Variants in LARP1B observed in about 807,000 individuals in gnomAD.
LARP1B encodes the protein La ribonucleoprotein 1B.
LARP1B carries 76 observed loss-of-function variants against 114.2 expected under a neutral mutation model. The observed-to-expected ratio is 0.67, with a 90% confidence interval of 0.55 to 0.81. LARP1B has a LOEUF of 0.81. Among genes scored for constraint, LARP1B ranks in the 30% least tolerant of loss-of-function variants. LARP1B has a pLI of 0.00. For synonymous variants in LARP1B, 345 were observed against 348.0 expected, an observed-to-expected ratio of 0.99 and a Z score of 0.10; for missense variants, 1,014 against 1,075.8, an observed-to-expected ratio of 0.94 and a Z score of 0.80.
Position 128,178,511 on chromosome 4 carries a change from G to A in LARP1B, c.1765G>A (p.Ala589Thr). 1 of 1,613,944 alleles carries A rather than the reference G, an allele frequency of 6.2e-7. No homozygotes were observed. Among genetic ancestry groups the A allele is most frequent in the Non-Finnish European group, 8.5e-7 (1 of 1,179,890 alleles). Residue 589 changes from alanine to threonine, a missense_variant, in exon 14 of 20, where the codon GCA (alanine) becomes ACA (threonine). Physicochemically the swap from Ala to Thr is moderately conservative, Grantham distance 58. Coordinates refer to ENST00000326639, the MANE Select transcript of LARP1B (RefSeq NM_018078.4). ...AGCAATGGTTCATTCGTTGCCTACA[G>A]CAGTTCCAGAATCTCCTAGAATTCA... ...SAAMVHSLPT[A>T]VPESPRIHPT...
chr4:128,110,321 A>G (rs944103461), intron 9 of LARP1B, among the ~76,000 whole-genome samples: 2 of 152,064 alleles, frequency 1.3e-5, no homozygotes, highest in Non-Finnish European at 2.9e-5. Flanking sequence ...ATATCAGGTA[A>G]TCTAAGTCAT....
chr4:128,083,623 T>A (rs1306609674), intron 5 of LARP1B, among the ~76,000 whole-genome samples: 1 of 129,560 alleles, frequency 7.7e-6, no homozygotes, highest in South Asian at 2.7e-4. Context: ...GGCGGGGTGC[T>A]GACCCCCCCA....
intron 11 of LARP1B, among the ~76,000 whole-genome samples, chr4:128,145,348 G>C (rs1401229210): frequency 1.3e-5 from 2 of 152,132 alleles, no homozygotes; most frequent in African/African-American, 2.4e-5. Context: ...ATGCCCAAAG[G>C]GTTAATGAGT....
chr4:128,123,804 C>G (rs751438704), intron 11 of LARP1B: 1 of 493,446 alleles, frequency 2.0e-6, no homozygotes, highest in Non-Finnish European at 2.6e-6. Flanking sequence ...GAGAAACATC[C>G]TATTTGTAGG....
intron 10 of LARP1B, among the ~76,000 whole-genome samples, chr4:128,118,082 ATTTT>A (rs34699544): frequency 2.6e-5 from 2 of 76,736 alleles, no homozygotes; most frequent in Non-Finnish European, 4.6e-5. Flanking sequence ...GGCCCGGCTA[ATTTT>A]TTTTTTTTTT....
chr4:128,068,583 A>T (rs1399228981), intron 1 of LARP1B, among the ~76,000 whole-genome samples: 1 of 148,766 alleles, frequency 6.7e-6, no homozygotes, highest in Non-Finnish European at 1.5e-5. Context: ...AGCTATTTTT[A>T]TTTTTTTTTT....
At chr4:128,214,195 T>G (rs1216668078), downstream of LARP1B, among the ~76,000 whole-genome samples, 3 of 132,034 alleles carry the variant, frequency 2.3e-5, no homozygotes, top group Non-Finnish European at 5.0e-5. Flanking sequence ...CAGTCTGAGA[T>G]CAAACTGCAA....
At chr4:128,062,111 C>T (rs184031772) in intron 1 of LARP1B, 2 of 985,288 alleles carry the variant, frequency 2.0e-6, no homozygotes, top group Non-Finnish European at 2.4e-6. Flanking sequence ...AAAGCGGCAG[C>T]CGCCGCTGCT....
At chr4:128,086,048 C>G (rs1489665437) in intron 5 of LARP1B, among the ~76,000 whole-genome samples, 1 of 127,004 alleles carries the variant, frequency 7.9e-6, no homozygotes, top group Non-Finnish European at 1.6e-5. Context: ...GAGTCTCGCT[C>G]TGTCGCCCAG....
chr4:128,211,268 C>G lies in LARP1B; in HGVS notation c.*1215C>G, dbSNP rs1230981017. 1.1e-6 allele frequency: 1 copy of G among 950,446 alleles called. No homozygotes were observed. Among genetic ancestry groups the G allele is most frequent in the African/African-American group, 1.8e-5 (1 of 56,578 alleles). 58.9% of individuals were successfully genotyped at this position (950,446 alleles called of 1,614,324 possible). ...ATAAACTTACATTCACTTTATTGAGCACTACATAATTTACAGATATTTTGT... is the reference window on the plus strand; with the variant it reads ...ATAAACTTACATTCACTTTATTGAGGACTACATAATTTACAGATATTTTGT... On this transcript the variant is annotated 3_prime_UTR_variant, in exon 20 of 20. Transcript: ENST00000326639.
chr4:128,137,802 A>AG (rs1411180940), intron 11 of LARP1B, among the ~76,000 whole-genome samples: 3 of 140,072 alleles, frequency 2.1e-5, no homozygotes, highest in African/African-American at 8.3e-5. Flanking sequence ...TTTTTTTTTT[A>AG]GGGGGGTTGG....
intron 15 of LARP1B, among the ~76,000 whole-genome samples, chr4:128,197,790 G>T (rs1360586143): frequency 6.6e-6 from 1 of 151,828 alleles, no homozygotes; most frequent in African/African-American, 2.4e-5. Context: ...ATAGTTTGTG[G>T]GTTGTTCTTT....
intron 9 of LARP1B, 168 bp downstream of exon 9, chr4:128,107,481 CAAATT>C: frequency 7.0e-7 from 1 of 1,435,012 alleles, no homozygotes; most frequent in Non-Finnish European, 9.2e-7. Flanking sequence ...CACAGAGTTA[CAAATT>C]AAATAAGGAT....
rs141017872 is a variant in LARP1B at position 128,209,998 on chromosome 4, C to T, written c.2690C>T (p.Pro897Leu). The change falls in exon 20 of 20, where the codon CCA becomes CTA. Residue 897 changes from proline to leucine, a missense_variant. Pro to Leu is a moderately conservative substitution (Grantham distance 98). Coordinates refer to ENST00000326639, the MANE Select transcript of LARP1B (RefSeq NM_018078.4). ...KPTSTSELQVPINSPRRNISP... is the reference protein window; with the variant it reads ...KPTSTSELQVLINSPRRNISP... The stretch of plus-strand genomic sequence containing the variant: ...ACATCTACCAGTGAGCTTCAGGTAC[C>T]AATAAACTCTCCCAGAAGGAATATT... The T allele has an allele frequency of 3.9e-4, 632 of 1,614,048 alleles. 10 individuals are homozygous for T. The South Asian group carries it at 5.7e-3, about 14-fold the overall frequency.
intron 9 of LARP1B, among the ~76,000 whole-genome samples, chr4:128,109,101 A>G (rs1015864698): frequency 8.5e-5 from 13 of 152,208 alleles, no homozygotes; most frequent in Non-Finnish European, 1.2e-4. Context: ...GGTCATAGGA[A>G]TAAATATGTA....
chr4:128,191,440 C>A (rs1752237669), intron 15 of LARP1B, among the ~76,000 whole-genome samples: 1 of 152,116 alleles, frequency 6.6e-6, no homozygotes, highest in Non-Finnish European at 1.5e-5. Context: ...GTGTGAGTTC[C>A]CTTAATACTA....
intron 14 of LARP1B, 62 bp from the exon 15 acceptor site, chr4:128,179,344 A>T: frequency 1.0e-6 from 1 of 1,003,590 alleles, no homozygotes; most frequent in Non-Finnish European, 1.5e-6. Flanking sequence ...AGAGGGTTTT[A>T]ATTTACTTGT....
intron 11 of LARP1B, among the ~76,000 whole-genome samples, chr4:128,146,383 G>A (rs1006068736): frequency 6.6e-6 from 1 of 152,184 alleles, no homozygotes; most frequent in East Asian, 1.9e-4. Context: ...GAAACCATGT[G>A]ATGTGTATAT....
chr4:128,062,177 A>T (rs1760399972), intron 1 of LARP1B: 1 of 985,210 alleles, frequency 1.0e-6, no homozygotes, highest in African/African-American at 1.7e-5. Context: ...GTCCCCAGAC[A>T]CGACAGGTCC....
Sources: allele counts gnomAD v4.1 joint callset (sites outside exome capture counted in the v4.1 genomes callset), GRCh38; gene constraint gnomAD v4.1.1; transcripts MANE v1.5; gene names NCBI Gene and HGNC (gene_info 2026-07-23, HGNC 2026-07-21).